Variants in EHBP1L1 observed in about 807,000 individuals in gnomAD.
EHBP1L1 encodes EH domain-binding protein 1-like protein 1.
A neutral mutation model predicts 151.1 loss-of-function variants in EHBP1L1; 122 were observed. That is an observed-to-expected ratio of 0.81 (90% CI 0.70 to 0.94). The LOEUF (loss-of-function observed/expected upper bound fraction) is 0.94. Among genes scored for constraint, EHBP1L1 ranks in the 40% least tolerant of loss-of-function variants. The pLI, the probability that EHBP1L1 is intolerant of heterozygous loss-of-function variation, is 0.00. For synonymous variants in EHBP1L1, 878 were observed against 810.1 expected (o/e 1.08, Z -1.42); for missense variants, 1,941 against 1,959.8 (o/e 0.99, Z 0.18).
Position 65,592,276 on chromosome 11 carries a change from C to T in EHBP1L1, c.4546C>T (p.Arg1516Trp), listed in dbSNP as rs1365337732. The change falls in exon 19 of 19, where the codon CGG becomes TGG. Residue 1516 changes from arginine to tryptophan, a missense_variant. Transcript: ENST00000309295. ...RRRKLSRQLSRRERCVLS is the reference protein window; with the variant it reads ...RRRKLSRQLSWRERCVLS ...CCGCAAGCTGAGCCGGCAGTTGAGC[C>T]GGCGGGAGCGCTGCGTGCTGAGCTG... is the stretch of plus-strand genomic sequence containing the variant. 4 of 1,530,578 alleles carry T rather than the reference C, an allele frequency of 2.6e-6. No homozygotes were observed. The Admixed American group carries it at 5.9e-5, about 23-fold the overall frequency. 94.8% of individuals were successfully genotyped at this position (1,530,578 alleles called of 1,614,324 possible). A position where few individuals can be genotyped will look rare whatever the true frequency, so the allele number is the denominator to read the frequency against.
Position 65,590,130 on chromosome 11 carries a change from A to G in EHBP1L1, c.4103A>G (p.Gln1368Arg), listed in dbSNP as rs201005684. 6.2e-7 allele frequency: 1 copy of G among 1,613,704 alleles called. No individual in the cohort carries two copies. The highest frequency in any genetic ancestry group is 1.3e-5 in the African/African-American group (1 of 74,910). Reference sequence around the variant, plus strand: ...AGTCAGTACGTGTGTGCAGAGCTGCAGGCCCTGGAACAGGAGCAGAGGCAG... The same window carrying G: ...AGTCAGTACGTGTGTGCAGAGCTGCGGGCCCTGGAACAGGAGCAGAGGCAG... ...DTSQYVCAEL[Q>R]ALEQEQRQID... The change falls in exon 15 of 19, where the codon CAG (glutamine) becomes CGG (arginine). Residue 1368 changes from glutamine to arginine, a missense_variant. Physicochemically the swap from Gln to Arg is conservative, Grantham distance 43. Transcript: ENST00000309295.
At position 65,582,874 on chromosome 11, in the gene EHBP1L1, A is replaced by G; in HGVS notation, c.2202A>G (p.Ser734=). ...LGTQEITARD[S]GVREIEAEIA... The stretch of plus-strand genomic sequence containing the variant: ...CCCAGGAGATAACAGCTAGGGATTC[A>G]GGGGTCAGAGAGATAGAAGCAGAGA... The change falls in exon 9 of 19, where the codon TCA becomes TCG. Residue 734 remains serine (S), a synonymous_variant. Transcript: ENST00000309295. 6.2e-7 allele frequency: 1 copy of G among 1,613,646 alleles called. No homozygotes were observed. Among genetic ancestry groups the G allele is most frequent in the South Asian group, 1.1e-5 (1 of 91,080 alleles).
At chr11:65,587,646 C>T (rs538990257) in intron 12 of EHBP1L1, among the ~76,000 whole-genome samples, 1 of 152,354 alleles carries the variant, frequency 6.6e-6, no homozygotes, top group South Asian at 2.1e-4. Context: ...TTTCTAGAAG[C>T]CCTGCAGCTC....
intron 6 of EHBP1L1, among the ~76,000 whole-genome samples, chr11:65,580,770 G>T (rs1307611604): frequency 6.6e-6 from 1 of 152,108 alleles, no homozygotes; most frequent in African/African-American, 2.4e-5. Context: ...AGGACAGCTG[G>T]GTCAGAAGCC....
rs769643058 is a variant in EHBP1L1 at position 65,582,449 on chromosome 11, G to C, written c.1777G>C (p.Gly593Arg). Residue 593 changes from glycine (G) to arginine (R), a missense_variant, in exon 9 of 19, where the codon GGG (glycine) becomes CGG (arginine). Transcript: ENST00000309295. ...GTQEKEVEGSGFPETRTLEIE... is the reference protein window; with the variant it reads ...GTQEKEVEGSRFPETRTLEIE... ...CCAGGAGAAAGAAGTTGAGGGGTCA[G>C]GGTTCCCAGAGACTAGGACACTAGA... is the stretch of plus-strand genomic sequence containing the variant. The C allele has an allele frequency of 6.2e-7, 1 of 1,612,766 alleles. No homozygotes were observed. Among genetic ancestry groups the C allele is most frequent in the East Asian group, 2.2e-5 (1 of 44,870 alleles).
chr11:65,583,784 G>A lies in EHBP1L1; in HGVS notation c.3093+19G>A, dbSNP rs1401620362. The A allele has an allele frequency of 1.2e-5, 18 of 1,460,016 alleles. 1 individual carries two copies. The highest frequency in any genetic ancestry group is 5.7e-5 in the South Asian group (4 of 70,396). The allele number at this position is 1,460,016 out of a possible 1,614,324, so 90.4% of individuals were successfully genotyped here. A position where few individuals can be genotyped will look rare whatever the true frequency, so the allele number is the denominator to read the frequency against. ...CAGCCAGGTAGGGATGGGGGCCGCC[G>A]AGGGCCCAGTCTGCTGCTTCCCACT... On this transcript the variant is annotated intron_variant, in intron 9 of 18. Transcript: ENST00000309295.
rs1461401146 is a variant in EHBP1L1, at chr11:65,583,050, C to T, written c.2378C>T (p.Thr793Ile). 5 of 1,612,686 alleles carry T rather than the reference C, an allele frequency of 3.1e-6. No homozygotes were observed. The East Asian group carries it at 6.7e-5, about 22-fold the overall frequency. The change falls in exon 9 of 19, where the codon ACA (threonine) becomes ATA (isoleucine). Residue 793 changes from threonine to isoleucine, a missense_variant. Thr to Ile is a moderately conservative substitution (Grantham distance 89). Coordinates refer to ENST00000309295, the MANE Select transcript of EHBP1L1 (RefSeq NM_001099409.3). ...GGGGTCCCAGGGTTAGAAGCTGATACAACAGGGATCCAGGTGAAAGAGGTT... is the reference window on the plus strand; with the variant it reads ...GGGGTCCCAGGGTTAGAAGCTGATATAACAGGGATCCAGGTGAAAGAGGTT... ...DSGVPGLEAD[T>I]TGIQVKEVGG...
chr11:65,582,684 C>G lies in EHBP1L1; in HGVS notation c.2012C>G (p.Ala671Gly). 1 of 1,613,608 alleles carries G rather than the reference C, an allele frequency of 6.2e-7. No individual in the cohort carries two copies. The highest frequency in any genetic ancestry group is 8.5e-7 in the Non-Finnish European group (1 of 1,179,858). Residue 671 changes from alanine to glycine, a missense_variant, in exon 9 of 19, where the codon GCA becomes GGA. By Grantham distance (60) the Ala-to-Gly change is moderately conservative. Coordinates refer to ENST00000309295, the MANE Select transcript of EHBP1L1 (RefSeq NM_001099409.3). The stretch of plus-strand genomic sequence containing the variant: ...GTTTTGCAGACAAGAACTACGATAG[C>G]AGAGACTGAGGTACTGGTGACCCAG... ...SGVLQTRTTI[A>G]ETEVLVTQEI...
At chr11:65,577,469 C>T (rs2135219386) in intron 1 of EHBP1L1, among the ~76,000 whole-genome samples, 1 of 152,340 alleles carries the variant, frequency 6.6e-6, no homozygotes, top group South Asian at 2.1e-4. Context: ...GCTCCAGCAT[C>T]CTGCGGGAGG....
Position 65,582,893 on chromosome 11 carries a change from G to A in EHBP1L1, c.2221G>A (p.Ala741Thr). Reference sequence around the variant, plus strand: ...GGATTCAGGGGTCAGAGAGATAGAAGCAGAGATAGCAGAGTCTGACATATT... The same window carrying A: ...GGATTCAGGGGTCAGAGAGATAGAAACAGAGATAGCAGAGTCTGACATATT... Reference protein sequence around the residue: ...ARDSGVREIEAEIAESDILVA... With the variant: ...ARDSGVREIETEIAESDILVA... Residue 741 changes from alanine (A) to threonine (T), a missense_variant, in exon 9 of 19, where the codon GCA becomes ACA. Ala to Thr is a moderately conservative substitution (Grantham distance 58). Transcript: ENST00000309295. The A allele has an allele frequency of 6.2e-7, 1 of 1,613,576 alleles. No homozygotes were observed. The highest frequency in any genetic ancestry group is 8.5e-7 in the Non-Finnish European group (1 of 1,179,810).
rs1180551121 is a variant in EHBP1L1, at chr11:65,582,830, G to A, written c.2158G>A (p.Glu720Lys). The change falls in exon 9 of 19, where the codon GAA becomes AAA. Residue 720 changes from glutamate to lysine, a missense_variant. Physicochemically the swap from Glu to Lys is moderately conservative, Grantham distance 56. Transcript: ENST00000309295. ...ACCAGAGTCAGAGGCTGAGGGGACA[G>A]AAGCTAAAATATTAGGGACCCAGGA... ...RVPESEAEGTEAKILGTQEIT... is the reference protein window; with the variant it reads ...RVPESEAEGTKAKILGTQEIT... 1 of 1,613,514 alleles carries A rather than the reference G, an allele frequency of 6.2e-7. No individual in the cohort carries two copies. The highest frequency in any genetic ancestry group is 2.2e-5 in the East Asian group (1 of 44,892).
At position 65,579,101 on chromosome 11, in the gene EHBP1L1, T is replaced by C; in HGVS notation, c.128T>C (p.Val43Ala). 6.3e-7 allele frequency: 1 copy of C among 1,593,404 alleles called. No individual in the cohort carries two copies. The change falls in exon 2 of 19, where the codon GTA (valine) becomes GCA (alanine). Residue 43 changes from valine (V) to alanine (A), a missense_variant. By Grantham distance (64) the Val-to-Ala change is moderately conservative (BLOSUM62 0). Transcript: ENST00000309295. ...AGGCAGCCAGATAAGCTGGTGGTGG[T>C]ATGGACCCGTCGGAACCGACGCATC... ...KKWQPDKLVV[V>A]WTRRNRRICS...
rs185071236 is a variant in EHBP1L1, at chr11:65,579,385, C to A, written c.207C>A (p.Thr69=). ...QPGIQNPYRG[T]VVWMVPENVD... ...GCATCCAGAACCCATACCGGGGCAC[C>A]GTGGTGTGGATGGTACCTGAGAATG... is the stretch of plus-strand genomic sequence containing the variant. Residue 69 remains threonine, a synonymous_variant, in exon 3 of 19, where the codon ACC becomes ACA. Coordinates refer to ENST00000309295, the MANE Select transcript of EHBP1L1 (RefSeq NM_001099409.3). 5.1e-6 allele frequency: 8 copies of A among 1,578,144 alleles called. No homozygotes were observed. In the East Asian group the frequency reaches 1.1e-4, roughly 23 times the overall value.
intron 6 of EHBP1L1, 94 bp downstream of exon 6, chr11:65,580,573 TG>T: frequency 1.3e-6 from 2 of 1,509,906 alleles, no homozygotes; most frequent in Non-Finnish European, 1.8e-6. Context: ...CGCCCTGTGA[TG>T]GGAACTCATT....
In EHBP1L1 at chr11:65,583,956, G is replaced by A. The variant is rs569121786; in HGVS notation, c.3093+191G>A. The A allele has an allele frequency of 5.7e-6, 8 of 1,411,904 alleles. No individual in the cohort carries two copies. The East Asian group carries it at 7.7e-5, about 14-fold the overall frequency. The allele number at this position is 1,411,904 out of a possible 1,614,324, so 87.5% of individuals were successfully genotyped here. On this transcript the variant is annotated intron_variant, in intron 9 of 18. Transcript: ENST00000309295. Reference sequence around the variant, plus strand: ...TCTCTTACCCCATCTTCCCTGGGCCGCATGGAGCTGGACACCTCTAAGCTG... The same window carrying A: ...TCTCTTACCCCATCTTCCCTGGGCCACATGGAGCTGGACACCTCTAAGCTG...
At position 65,592,017 on chromosome 11, in the gene EHBP1L1, C is replaced by T; in HGVS notation, c.4399C>T (p.Leu1467=). Residue 1467 remains leucine (L), a synonymous_variant, in exon 18 of 19, where the codon CTA becomes TTA. Transcript: ENST00000309295. ...CGCTCAGCAGCACCGAGAGCAGCTC[C>T]TACTGGAGGAGCTGGTGTCGCTGGT... is the stretch of plus-strand genomic sequence containing the variant. The part of the protein sequence containing the change: ...TSAQQHREQL[L]LEELVSLVNQ... 4 of 1,613,452 alleles carry T rather than the reference C, an allele frequency of 2.5e-6. No homozygotes were observed. The highest frequency in any genetic ancestry group is 3.4e-6 in the Non-Finnish European group (4 of 1,179,690).
chr11:65,586,976 C>T (rs1858003461), intron 12 of EHBP1L1, among the ~76,000 whole-genome samples: 1 of 152,222 alleles, frequency 6.6e-6, no homozygotes, highest in Non-Finnish European at 1.5e-5. Flanking sequence ...CCCCCTCCCC[C>T]ATGCCCATTG....
intron 12 of EHBP1L1, 133 bp from the exon 13 acceptor site, chr11:65,589,618 A>G: frequency 1.5e-6 from 2 of 1,370,914 alleles, no homozygotes; most frequent in Non-Finnish European, 1.9e-6. Context: ...ATGCAGGACT[A>G]GAGGAGGGGC....
intron 12 of EHBP1L1, among the ~76,000 whole-genome samples, chr11:65,588,426 G>A (rs1858088824): frequency 6.6e-6 from 1 of 152,164 alleles, no homozygotes; most frequent in African/African-American, 2.4e-5. Flanking sequence ...GTTACACCGG[G>A]GGTGAAGGTG....
Sources: allele counts gnomAD v4.1 joint callset (sites outside exome capture counted in the v4.1 genomes callset), GRCh38; gene constraint gnomAD v4.1.1; transcripts MANE v1.5; gene names NCBI Gene and HGNC (gene_info 2026-07-23, HGNC 2026-07-21).